Variants in ANKS1B observed in about 807,000 individuals in gnomAD.
The protein encoded by ANKS1B is ankyrin repeat and sterile alpha motif domain containing 1B, also known as ankyrin repeat and sterile alpha motif domain-containing protein 1B.
Under a neutral mutation model 148.3 loss-of-function variants are expected in ANKS1B, and 36 were observed. The observed-to-expected ratio is 0.24, with a 90% CI of 0.19 to 0.32. ANKS1B has a LOEUF of 0.32. ANKS1B is among the 10% of genes least tolerant of loss of function. The pLI is 1.00. For synonymous variants in ANKS1B, 542 were observed against 560.8 expected (o/e 0.97, Z 0.47); for missense variants, 1,157 against 1,542.6 (o/e 0.75, Z 4.19).
At chr12:98,896,940 TA>T (rs769067836) in intron 17 of ANKS1B, among the ~76,000 whole-genome samples, 116 of 152,324 alleles carry the variant, frequency 7.6e-4, no homozygotes, top group Non-Finnish European at 1.2e-3. Flanking sequence ...CTGATAACAA[TA>T]TTGGGCAATC....
chr12:99,185,279 G>A (rs74956560), intron 14 of ANKS1B, among the ~76,000 whole-genome samples: 74 of 152,316 alleles, frequency 4.9e-4, no homozygotes, highest in Middle Eastern at 6.8e-3. Context: ...TCCAGTGTAC[G>A]TTGAGCCTCA....
intron 1 of ANKS1B, among the ~76,000 whole-genome samples, chr12:99,930,990 A>C (rs1168626054): frequency 1.3e-5 from 2 of 152,270 alleles, no homozygotes; most frequent in Non-Finnish European, 1.5e-5. Flanking sequence ...TGGCACACAT[A>C]CACCATGGAA....
chr12:99,124,541 C>A (rs1423390105), intron 15 of ANKS1B, among the ~76,000 whole-genome samples: 1 of 152,010 alleles, frequency 6.6e-6, no homozygotes, highest in Non-Finnish European at 1.5e-5. Context: ...ATAATAAAAT[C>A]TCTTTATAGA....
At chr12:99,269,509 T>G (rs896889731) in intron 12 of ANKS1B, among the ~76,000 whole-genome samples, 6 of 152,148 alleles carry the variant, frequency 3.9e-5, no homozygotes, top group African/African-American at 1.4e-4. Flanking sequence ...AGCAGATTTT[T>G]TTTTTTTTTG....
At chr12:99,133,270 C>T (rs1275142613) in intron 15 of ANKS1B, among the ~76,000 whole-genome samples, 2 of 152,050 alleles carry the variant, frequency 1.3e-5, no homozygotes, top group Non-Finnish European at 2.9e-5. Flanking sequence ...TCAGGCTGGT[C>T]TCAAACTCCT....
intron 10 of ANKS1B, among the ~76,000 whole-genome samples, chr12:99,482,240 T>C (rs1198615568): frequency 2.6e-5 from 4 of 152,080 alleles, no homozygotes; most frequent in Non-Finnish European, 5.9e-5. Context: ...TTCATTCTTC[T>C]ACATGTGGCT....
intron 9 of ANKS1B, among the ~76,000 whole-genome samples, chr12:99,619,575 G>A (rs1024210602): frequency 1.3e-5 from 2 of 151,770 alleles, no homozygotes; most frequent in Admixed American, 6.6e-5. Context: ...TCACGTCCAG[G>A]CAGGTCTCCA....
chr12:99,648,160 G>T, intron 9 of ANKS1B: 1 of 1,574,688 alleles, frequency 6.4e-7, no homozygotes, highest in South Asian at 1.1e-5. Context: ...GAACTGTCTT[G>T]ATTTAAAGGA....
intron 1 of ANKS1B, among the ~76,000 whole-genome samples, chr12:99,956,552 T>A (rs1453683223): frequency 6.6e-6 from 1 of 152,090 alleles, no homozygotes; most frequent in Middle Eastern, 3.2e-3. Context: ...TGCTGAAAAA[T>A]CTTTGCTTCT....
At chr12:99,911,959 C>T (rs1448972045) in intron 1 of ANKS1B, among the ~76,000 whole-genome samples, 1 of 152,020 alleles carries the variant, frequency 6.6e-6, no homozygotes, top group African/African-American at 2.4e-5. Context: ...ATAAATAATA[C>T]AGATTTAAGT....
At chr12:99,091,034 C>A (rs1197778405) in intron 15 of ANKS1B, among the ~76,000 whole-genome samples, 1 of 152,098 alleles carries the variant, frequency 6.6e-6, no homozygotes, top group Non-Finnish European at 1.5e-5. Flanking sequence ...AATAAAATTT[C>A]TTGCATACAA....
At chr12:99,252,683 A>G (rs1399351829) in intron 12 of ANKS1B, among the ~76,000 whole-genome samples, 1 of 152,188 alleles carries the variant, frequency 6.6e-6, no homozygotes, top group Non-Finnish European at 1.5e-5. Flanking sequence ...CTGATTTCCC[A>G]AAGGAGAGGG....
chr12:99,062,150 A>G (rs574792644), intron 16 of ANKS1B, among the ~76,000 whole-genome samples: 1 of 152,204 alleles, frequency 6.6e-6, no homozygotes, highest in South Asian at 2.1e-4. Flanking sequence ...AGTGTTGGCA[A>G]CTCCACTTAT....
Position 99,947,575 on chromosome 12 carries a change from G to A in ANKS1B, c.134+36529C>T, listed in dbSNP as rs2095100604. 4.8e-5 allele frequency among the ~76,000 whole-genome samples: 7 copies of A among 146,054 alleles called. No homozygotes were observed. In the South Asian group the frequency reaches 1.5e-3, roughly 30 times the overall value. ...CCTATATATATAGGTTTCTATATCA[G>A]TGCTATATCAGTGCTATATCAGTTT... On this transcript the variant is annotated intron_variant, in intron 1 of 26. Transcript: ENST00000683438.
intron 9 of ANKS1B, among the ~76,000 whole-genome samples, chr12:99,545,664 C>T (rs2097165929): frequency 6.6e-6 from 1 of 151,516 alleles, no homozygotes; most frequent in African/African-American, 2.4e-5. Flanking sequence ...GGAAGCCCTT[C>T]CATTTCAATC....
chr12:98,744,847 T>A lies in ANKS1B; in HGVS notation c.*892A>T. 1.0e-6 allele frequency: 1 copy of A among 985,466 alleles called. No homozygotes were observed. Among genetic ancestry groups the A allele is most frequent in the Non-Finnish European group, 1.2e-6 (1 of 829,878 alleles). The allele number at this position is 985,466 out of a possible 1,614,324, so 61.0% of individuals were successfully genotyped here. A position where few individuals can be genotyped will look rare whatever the true frequency, so the allele number is the denominator to read the frequency against. On this transcript the variant is annotated 3_prime_UTR_variant, in exon 27 of 27. Transcript: ENST00000683438. ...AAACACTGTGAAGATTAAAAAACAA[T>A]CTTGGCAGGCTGATGGCTGCGTCAG...
intron 10 of ANKS1B, among the ~76,000 whole-genome samples, chr12:99,474,350 T>C (rs2152916097): frequency 6.6e-6 from 1 of 152,230 alleles, no homozygotes; most frequent in South Asian, 2.1e-4. Context: ...TAAAATTTAC[T>C]GAGTTATGAC....
At chr12:99,512,409 G>C (rs2096775761) in intron 9 of ANKS1B, among the ~76,000 whole-genome samples, 1 of 151,978 alleles carries the variant, frequency 6.6e-6, no homozygotes, top group Non-Finnish European at 1.5e-5. Context: ...AACAGATGCT[G>C]GCTTGTTGCA....
intron 12 of ANKS1B, among the ~76,000 whole-genome samples, chr12:99,301,131 C>A (rs2081541049): frequency 6.6e-6 from 1 of 152,168 alleles, no homozygotes; most frequent in South Asian, 2.1e-4. Flanking sequence ...GATGTCCCAG[C>A]TCAAGAAGAG....
Sources: allele counts gnomAD v4.1 joint callset (sites outside exome capture counted in the v4.1 genomes callset), GRCh38; gene constraint gnomAD v4.1.1; transcripts MANE v1.5; gene names NCBI Gene and HGNC (gene_info 2026-07-23, HGNC 2026-07-21).